Variants in ROBO2 observed in about 807,000 individuals in gnomAD.
ROBO2 encodes the protein roundabout homolog 2.
In ROBO2, 53 loss-of-function variants were observed where a neutral mutation model predicts 160.8. The ratio of observed to expected loss-of-function variants is 0.33; its 90% CI spans 0.26 to 0.41. The LOEUF is 0.41. ROBO2 is among the 10% of genes least tolerant of loss of function. The probability of loss-of-function intolerance (pLI) is 1.00; values close to 1 mark genes in which losing one functional copy is unlikely to be tolerated. For missense variants in ROBO2, 1,577 were observed against 1,722.4 expected, an observed-to-expected ratio of 0.92 and a Z score of 1.49; for synonymous variants, 664 against 611.7, an observed-to-expected ratio of 1.09 and a Z score of -1.26.
chr3:76,470,648 G>A (rs764743611), intron 2 of ROBO2, among the ~76,000 whole-genome samples: 4 of 152,070 alleles, frequency 2.6e-5, no homozygotes, highest in Non-Finnish European at 5.9e-5. Flanking sequence ...GCCTTAAAAG[G>A]AACATATTAT....
At chr3:76,254,735 CAGAGAG>C (rs36108761) in intron 2 of ROBO2, among the ~76,000 whole-genome samples, 1 of 148,526 alleles carries the variant, frequency 6.7e-6, no homozygotes. Flanking sequence ...TACTCTCTCT[CAGAGAG>C]AGAGAGAGAG....
intron 2 of ROBO2, among the ~76,000 whole-genome samples, chr3:76,951,113 G>A (rs1559753440): frequency 6.6e-6 from 1 of 152,138 alleles, no homozygotes; most frequent in Non-Finnish European, 1.5e-5. Flanking sequence ...TTTCATCAAG[G>A]TGATGAAGGT....
At chr3:76,485,975 T>C (rs2079475385) in intron 2 of ROBO2, among the ~76,000 whole-genome samples, 1 of 152,178 alleles carries the variant, frequency 6.6e-6, no homozygotes, top group African/African-American at 2.4e-5. Context: ...ATATGAGATG[T>C]CACTCATAAG....
intron 2 of ROBO2, among the ~76,000 whole-genome samples, chr3:76,142,940 C>G (rs200844983): frequency 1.3e-5 from 2 of 149,264 alleles, no homozygotes; most frequent in Non-Finnish European, 3.0e-5. Flanking sequence ...TACTATGTAC[C>G]CACAAAAATA....
chr3:77,324,875 T>C (rs763556300), intron 2 of ROBO2, among the ~76,000 whole-genome samples: 1 of 139,532 alleles, frequency 7.2e-6, no homozygotes, highest in Non-Finnish European at 1.5e-5. Context: ...ATTCTTAAAA[T>C]TAAACAGAAA....
chr3:76,182,084 G>C (rs1701532813), intron 2 of ROBO2, among the ~76,000 whole-genome samples: 2 of 152,162 alleles, frequency 1.3e-5, no homozygotes, highest in Admixed American at 1.3e-4. Context: ...AGAAGGGCCA[G>C]GAGCATTAGA....
intron 2 of ROBO2, among the ~76,000 whole-genome samples, chr3:76,533,155 C>T (rs1001500524): frequency 6.6e-6 from 1 of 152,064 alleles, no homozygotes; most frequent in Admixed American, 6.5e-5. Flanking sequence ...TTTTTAGAGC[C>T]ATAGATCTCT....
At chr3:76,286,270 T>C (rs2107685787) in intron 2 of ROBO2, among the ~76,000 whole-genome samples, 1 of 152,244 alleles carries the variant, frequency 6.6e-6, no homozygotes, top group South Asian at 2.1e-4. Flanking sequence ...AGAGACAGGA[T>C]GTAGAAAACT....
rs183375383 is a variant in ROBO2, at chr3:77,368,824, T to C, written c.389-108590T>C. On this transcript the variant is annotated intron_variant, in intron 2 of 25. Transcript: ENST00000461745. ...GATAGAAAATTTTTAGTGCTTACTA[T>C]AAACGTCAAAGTTGGGTATTTATCT... 7.2e-5 allele frequency among the ~76,000 whole-genome samples: 11 copies of C among 152,318 alleles called. No homozygotes were observed. In the East Asian group the frequency reaches 2.1e-3, roughly 29 times the overall value.
chr3:77,024,833 G>A (rs927968343), intron 2 of ROBO2, among the ~76,000 whole-genome samples: 18 of 152,240 alleles, frequency 1.2e-4, no homozygotes, highest in African/African-American at 4.3e-4. Flanking sequence ...TTGAACTATG[G>A]AGTTAATTCC....
chr3:76,049,412 T>A (rs1310941266), intron 2 of ROBO2, among the ~76,000 whole-genome samples: 9 of 124,888 alleles, frequency 7.2e-5, no homozygotes, highest in Admixed American at 7.9e-5. Context: ...TATTTTTTTT[T>A]TTTTTTTTTT....
chr3:76,936,499 T>C (rs552258234), intron 2 of ROBO2, among the ~76,000 whole-genome samples: 4 of 152,126 alleles, frequency 2.6e-5, no homozygotes, highest in African/African-American at 7.2e-5. Context: ...GTGGACAGCG[T>C]TGCTCCTCCA....
intron 2 of ROBO2, among the ~76,000 whole-genome samples, chr3:76,760,776 A>G (rs35156183): frequency 0.14 from 20,546 of 151,724 alleles, 1,559 homozygotes; most frequent in East Asian, 0.2. Context: ...AACAAACATG[A>G]TATAAAATTC....
chr3:76,135,155 C>G (rs1270577320), intron 2 of ROBO2, among the ~76,000 whole-genome samples: 4 of 151,976 alleles, frequency 2.6e-5, no homozygotes, highest in African/African-American at 9.7e-5. Flanking sequence ...CACTTCAGTC[C>G]CCTTGCATCT....
chr3:76,061,464 G>T (rs369519635), intron 2 of ROBO2, among the ~76,000 whole-genome samples: 1 of 152,148 alleles, frequency 6.6e-6, no homozygotes, highest in African/African-American at 2.4e-5. Context: ...ACTAAAGGTG[G>T]ACACAGATAT....
intron 2 of ROBO2, among the ~76,000 whole-genome samples, chr3:76,908,677 A>T (rs1169541135): frequency 1.3e-5 from 2 of 152,206 alleles, no homozygotes; most frequent in Non-Finnish European, 2.9e-5. Context: ...TTACTTTTGG[A>T]AATAAAGACC....
intron 2 of ROBO2, among the ~76,000 whole-genome samples, chr3:76,991,172 A>C (rs559449693): frequency 6.6e-6 from 1 of 152,306 alleles, no homozygotes; most frequent in East Asian, 1.9e-4. Context: ...GCTGCTCAGT[A>C]AAATTCTCTC....
At chr3:76,704,621 G>A (rs1314427969) in intron 2 of ROBO2, among the ~76,000 whole-genome samples, 1 of 152,074 alleles carries the variant, frequency 6.6e-6, no homozygotes, top group Non-Finnish European at 1.5e-5. Flanking sequence ...TCCTTTCCAT[G>A]CTTGGGTCCT....
At chr3:76,876,884 T>A (rs2072790815) in intron 2 of ROBO2, among the ~76,000 whole-genome samples, 1 of 152,156 alleles carries the variant, frequency 6.6e-6, no homozygotes. Flanking sequence ...CATTAAGAAC[T>A]ATTGCTCTGC....
Sources: gnomAD v4.1 joint callset for allele counts (sites outside exome capture counted in the v4.1 genomes callset) on GRCh38, gnomAD v4.1.1 for gene constraint, MANE v1.5 for transcripts, NCBI Gene and HGNC (gene_info 2026-07-23, HGNC 2026-07-21) for gene names.